The following SYNE2 variants were observed in gnomAD, a reference collection of about 807,000 sequenced individuals.
SYNE2 encodes the protein nesprin-2.
A neutral mutation model predicts 856.3 loss-of-function variants in SYNE2; 431 were observed. The observed-to-expected ratio is 0.50, with a 90% CI of 0.47 to 0.55. The LOEUF is 0.55. Ranked by LOEUF, SYNE2 falls within the 20% of genes least tolerant of loss-of-function variation. The pLI, the probability that SYNE2 is intolerant of heterozygous loss-of-function variation, is 0.00. For synonymous variants in SYNE2, 2,923 were observed against 2,872.3 expected, an observed-to-expected ratio of 1.02 and a Z score of -0.56; for missense variants, 8,129 against 8,023.2, an observed-to-expected ratio of 1.01 and a Z score of -0.50.
intron 99 of SYNE2, among the ~76,000 whole-genome samples, chr14:64,191,443 G>C (rs1206032630): frequency 6.6e-6 from 1 of 152,140 alleles, no homozygotes; most frequent in African/African-American, 2.4e-5. Flanking sequence ...GTTCCCAGAT[G>C]GTCCTGAATG....
In SYNE2 at chr14:64,027,589, T is replaced by C; in HGVS notation, c.6510T>C (p.Ala2170=). Reference sequence around the variant, plus strand: ...AGAAGAAACAGGAAGCAGGCTTTGCTCTACAACATGGTCTGCAGGAGAAGA... The same window carrying C: ...AGAAGAAACAGGAAGCAGGCTTTGCCCTACAACATGGTCTGCAGGAGAAGA... ...ELKKKQEAGF[A]LQHGLQEKKA... is the part of the protein sequence containing the mutation. Residue 2170 remains alanine, a synonymous_variant, in exon 43 of 116, where the codon GCT becomes GCC. Transcript: ENST00000555002. 6.2e-7 allele frequency: 1 copy of C among 1,614,084 alleles called. No homozygotes were observed. The highest frequency in any genetic ancestry group is 1.1e-5 in the South Asian group (1 of 91,058).
At chr14:64,067,348 C>G (rs2097365519) in intron 51 of SYNE2, among the ~76,000 whole-genome samples, 1 of 152,202 alleles carries the variant, frequency 6.6e-6, no homozygotes, top group South Asian at 2.1e-4. Flanking sequence ...AAGTGAGACA[C>G]AGTGAGACTG....
intron 45 of SYNE2, chr14:64,034,400 G>A: frequency 2.4e-6 from 1 of 421,762 alleles, no homozygotes; most frequent in Non-Finnish European, 4.2e-6. Flanking sequence ...ATCCAGAGAG[G>A]CTTTTATCAG....
chr14:63,765,049 AG>A (rs528493751), intron 1 of SYNE2, among the ~76,000 whole-genome samples: 10 of 152,284 alleles, frequency 6.6e-5, no homozygotes, highest in African/African-American at 1.7e-4. Context: ...AGCTACAGCC[AG>A]GGGGTCAAGG....
At chr14:63,844,659 A>G (rs1890174153) in intron 1 of SYNE2, among the ~76,000 whole-genome samples, 1 of 152,144 alleles carries the variant, frequency 6.6e-6, no homozygotes, top group African/African-American at 2.4e-5. Flanking sequence ...TTTTTTGTAC[A>G]GTCTTTGTCA....
At chr14:64,203,105 C>T (rs1596196822) in intron 100 of SYNE2, 142 bp downstream of exon 100, 1 of 1,086,518 alleles carries the variant, frequency 9.2e-7, no homozygotes, top group East Asian at 2.6e-5. Flanking sequence ...AACTGACCAC[C>T]TTTCCATGTT....
At chr14:63,878,977 G>A (rs939547801) in intron 1 of SYNE2, among the ~76,000 whole-genome samples, 7 of 152,188 alleles carry the variant, frequency 4.6e-5, no homozygotes, top group Admixed American at 3.3e-4. Context: ...AGTGCTTTGC[G>A]AGGCTGAGGT....
intron 1 of SYNE2, among the ~76,000 whole-genome samples, chr14:63,762,571 G>A (rs1886525844): frequency 1.3e-5 from 2 of 148,250 alleles, no homozygotes; most frequent in African/African-American, 5.0e-5. Context: ...TGGTATTGTG[G>A]TTATGTAGGA....
chr14:64,198,970 A>G (rs1410164182), intron 99 of SYNE2, among the ~76,000 whole-genome samples: 1 of 152,222 alleles, frequency 6.6e-6, no homozygotes, highest in Non-Finnish European at 1.5e-5. Flanking sequence ...CTCTCTGGGA[A>G]GAAGTCCTAT....
At chr14:64,014,033 C>T (rs2096868715) in intron 32 of SYNE2, among the ~76,000 whole-genome samples, 1 of 152,070 alleles carries the variant, frequency 6.6e-6, no homozygotes, top group Non-Finnish European at 1.5e-5. Context: ...TAATCCCAGA[C>T]AGCCACTAAT....
intron 2 of SYNE2, among the ~76,000 whole-genome samples, chr14:63,917,971 A>T (rs946645453): frequency 2.6e-5 from 4 of 152,132 alleles, no homozygotes; most frequent in Admixed American, 1.3e-4. Context: ...TACATTTTGA[A>T]AACTAGGGCA....
intron 99 of SYNE2, among the ~76,000 whole-genome samples, chr14:64,193,633 G>T (rs899699251): frequency 1.3e-4 from 20 of 152,090 alleles, no homozygotes; most frequent in South Asian, 6.2e-4. Context: ...TAACTTCAAG[G>T]TTAAGAATGG....
Position 64,007,208 on chromosome 14 carries a change from C to T in SYNE2, c.4563C>T (p.Ala1521=). 1 of 1,613,964 alleles carries T rather than the reference C, an allele frequency of 6.2e-7. No homozygotes were observed. Among genetic ancestry groups the T allele is most frequent in the Non-Finnish European group, 8.5e-7 (1 of 1,179,876 alleles). ...NTVVLWENTK[A]LVTECLEQCG... ...TAGTCTTGTGGGAGAATACCAAAGC[C>T]TTGGTCACCGAATGGTAAGGAAAAA... Residue 1521 remains alanine (A), a synonymous_variant, in exon 31 of 116, where the codon GCC becomes GCT. Coordinates refer to ENST00000555002, the MANE Select transcript of SYNE2 (RefSeq NM_182914.3).
At chr14:63,904,882 G>A (rs960335613) in intron 1 of SYNE2, among the ~76,000 whole-genome samples, 2 of 151,940 alleles carry the variant, frequency 1.3e-5, no homozygotes, top group African/African-American at 4.8e-5. Flanking sequence ...TCTTTGTCAC[G>A]GCTTATGTTG....
chr14:64,017,973 T>C (rs951522152), intron 34 of SYNE2, among the ~76,000 whole-genome samples: 2 of 152,216 alleles, frequency 1.3e-5, no homozygotes, highest in Non-Finnish European at 2.9e-5. Flanking sequence ...GATCTTGTTA[T>C]ATAATGGGGA....
intron 1 of SYNE2, among the ~76,000 whole-genome samples, chr14:63,870,943 T>C (rs1016114687): frequency 3.9e-5 from 6 of 152,238 alleles, no homozygotes. Context: ...CCCAGATTCA[T>C]TTATTTTCCA....
At chr14:63,764,304 G>A (rs1886593245) in intron 1 of SYNE2, among the ~76,000 whole-genome samples, 1 of 152,202 alleles carries the variant, frequency 6.6e-6, no homozygotes, top group Non-Finnish European at 1.5e-5. Flanking sequence ...AGAAGCCACT[G>A]TTTGAAAGAG....
chr14:64,149,326 AAAAGAAAAT>A (rs1444438945), intron 84 of SYNE2, among the ~76,000 whole-genome samples: 2 of 152,136 alleles, frequency 1.3e-5, no homozygotes, highest in Non-Finnish European at 2.9e-5. Flanking sequence ...AGAAAAAAAG[AAAAGAAAAT>A]GATGAAAATG....
Position 63,804,834 on chromosome 14 carries a change from T to C in SYNE2, c.-305+42848T>C, listed in dbSNP as rs115826535. Among the ~76,000 whole-genome samples the C allele has an allele frequency of 8.0e-3, 1,225 of 152,288 alleles. 15 individuals carry two copies. The highest frequency in any genetic ancestry group is 0.028 in the African/African-American group (1,157 of 41,560). ...CTAGGGTTTTTATAGTTTCATTAGG[T>C]TGGTGCAAAAGTAACTGTGGTTTTG... On this transcript the variant is annotated intron_variant, in intron 1 of 23. Coordinates refer to the SYNE2 transcript ENST00000674003.
Sources: allele counts gnomAD v4.1 joint callset (sites outside exome capture counted in the v4.1 genomes callset), GRCh38; gene constraint gnomAD v4.1.1; transcripts MANE v1.5; gene names NCBI Gene and HGNC (gene_info 2026-07-23, HGNC 2026-07-21).